ARID1B: variants seen among roughly 807,000 people sequenced by gnomAD.
ARID1B encodes the protein AT-rich interactive domain-containing protein 1B.
A neutral mutation model predicts 212.3 loss-of-function variants in ARID1B; 30 were observed. The ratio of observed to expected loss-of-function variants is 0.14; its 90% CI spans 0.11 to 0.19. The LOEUF is 0.19. Ranked by LOEUF, ARID1B falls within the 10% of genes least tolerant of loss-of-function variation. The pLI is 1.00. For missense variants in ARID1B, 2,891 were observed against 3,204.0 expected, an observed-to-expected ratio of 0.90 and a Z score of 2.36; for synonymous variants, 1,402 against 1,301.7, an observed-to-expected ratio of 1.08 and a Z score of -1.66.
chr6:157,067,292 C>T (rs929407901), intron 4 of ARID1B, among the ~76,000 whole-genome samples: 1 of 152,204 alleles, frequency 6.6e-6, no homozygotes, highest in South Asian at 2.1e-4. Flanking sequence ...CTCCTAACCA[C>T]GAAGCTTTGC....
chr6:157,056,669 GTGTC>G (rs1446722398), intron 4 of ARID1B, among the ~76,000 whole-genome samples: 1 of 152,154 alleles, frequency 6.6e-6, no homozygotes, highest in Admixed American at 6.5e-5. Context: ...AGGCCCTGCT[GTGTC>G]TGGTTAGTTT....
intron 11 of ARID1B, among the ~76,000 whole-genome samples, chr6:157,180,545 A>G (rs1792436169): frequency 6.6e-6 from 1 of 152,204 alleles, no homozygotes; most frequent in African/African-American, 2.4e-5. Flanking sequence ...TGACAAGGAA[A>G]AGTAGGAGTC....
At chr6:157,110,845 A>T in intron 6 of ARID1B, 1 of 472,554 alleles carries the variant, frequency 2.1e-6, no homozygotes. Flanking sequence ...GTAGTCTGGT[A>T]TTTGGTCTAG....
chr6:156,814,890 T>C (rs1781855525), intron 1 of ARID1B, among the ~76,000 whole-genome samples: 3 of 152,184 alleles, frequency 2.0e-5, no homozygotes, highest in African/African-American at 7.2e-5. Flanking sequence ...AACAAATGCT[T>C]TTTAGCCTAA....
intron 4 of ARID1B, chr6:156,936,635 G>C (rs1792246745): frequency 6.9e-6 from 1 of 144,856 alleles, no homozygotes; most frequent in Non-Finnish European, 1.5e-5. Flanking sequence ...ACTCCAGTCT[G>C]GGAAACAGAG....
At chr6:156,958,425 C>CTATATAATTTATA in intron 4 of ARID1B, among the ~76,000 whole-genome samples, 1 of 152,234 alleles carries the variant, frequency 6.6e-6, no homozygotes, top group Admixed American at 6.5e-5. Context: ...GTCTATAAAC[C>CTATATAATTTATA]TAATTCGTTT....
chr6:157,036,652 A>G lies in ARID1B; in HGVS notation c.2248-48010A>G, dbSNP rs1385197892. On this transcript the variant is annotated intron_variant, in intron 4 of 19. Transcript: ENST00000636930. Reference sequence around the variant, plus strand: ...TTATAGAACTGAAACCCAGACGGTGACTGGGATTTCAGCCCAGCTCTTGAA... The same window carrying G: ...TTATAGAACTGAAACCCAGACGGTGGCTGGGATTTCAGCCCAGCTCTTGAA... 8.9e-6 allele frequency: 3 copies of G among 338,520 alleles called. No homozygotes were observed. The East Asian group carries it at 1.9e-4, about 22-fold the overall frequency. The allele number at this position is 338,520 out of a possible 1,614,324, so 21.0% of individuals were successfully genotyped here. A position where few individuals can be genotyped will look rare whatever the true frequency, so the allele number is the denominator to read the frequency against.
rs1023962342 is a variant in ARID1B, at chr6:157,163,319, A to G, written c.3090-3721A>G. On this transcript the variant is annotated intron_variant, in intron 8 of 19. Transcript: ENST00000636930. ...TTGTTGTGAGCCACAGACTCCTCCT[A>G]GGTTAGCAACACCACGCTGAGCAGG... Among the ~76,000 whole-genome samples, 9 of 152,102 alleles carry G rather than the reference A, an allele frequency of 5.9e-5. 1 individual carries two copies. Among genetic ancestry groups the G allele is most frequent in the Admixed American group, 5.9e-4 (9 of 15,274 alleles).
In ARID1B at chr6:156,790,968, A is replaced by G. The variant is rs982124502; in HGVS notation, c.1791+11497A>G. ...ATGCATTAAGTTTCTGTAATTTTCC[A>G]TATTGCTATATTATTAGTGAGAAAG... is the stretch of plus-strand genomic sequence containing the variant. On this transcript the variant is annotated intron_variant, in intron 1 of 19. Transcript: ENST00000636930. Among the ~76,000 whole-genome samples, 4 of 152,372 alleles carry G rather than the reference A, an allele frequency of 2.6e-5. No homozygotes were observed. The South Asian group carries it at 6.2e-4, about 24-fold the overall frequency.
At chr6:156,931,876 C>T (rs964952703) in intron 3 of ARID1B, among the ~76,000 whole-genome samples, 11 of 149,840 alleles carry the variant, frequency 7.3e-5, no homozygotes, top group Non-Finnish European at 1.0e-4. Flanking sequence ...GCAGGAGAAT[C>T]GCTTCAACCC....
chr6:157,086,268 T>C (rs1218541525), intron 5 of ARID1B, among the ~76,000 whole-genome samples: 1 of 152,256 alleles, frequency 6.6e-6, no homozygotes, highest in Non-Finnish European at 1.5e-5. Context: ...ATACGCTCAG[T>C]GCATTTTGAT....
At position 157,200,103 on chromosome 6, in the gene ARID1B, C is replaced by T. The variant is rs1793994594; in HGVS notation, c.4480-602C>T. Among the ~76,000 whole-genome samples the T allele has an allele frequency of 6.6e-6, 1 of 152,196 alleles. No individual in the cohort carries two copies. Among genetic ancestry groups the T allele is most frequent in the Non-Finnish European group, 1.5e-5 (1 of 68,032 alleles). On this transcript the variant is annotated intron_variant, in intron 17 of 19. Transcript: ENST00000636930. The surrounding 1 kb of genome is among the most constrained non-coding windows in gnomAD (Gnocchi z 4.3). ...GTCCCGGAGCATCCTGGGAAGCAAG[C>T]TTAATAACAGGTGTGGTCCCAGCCC... is the stretch of plus-strand genomic sequence containing the variant.
intron 4 of ARID1B, among the ~76,000 whole-genome samples, chr6:157,014,158 A>G (rs1361343672): frequency 6.6e-6 from 1 of 152,216 alleles, no homozygotes; most frequent in Non-Finnish European, 1.5e-5. Context: ...ACTAATGACT[A>G]AGGCTTGGCC....
Position 156,935,512 on chromosome 6 carries a change from C to G in ARID1B, c.2183C>G (p.Ala728Gly), listed in dbSNP as rs376595068. 1 of 1,613,812 alleles carries G rather than the reference C, an allele frequency of 6.2e-7. No individual in the cohort carries two copies. Among genetic ancestry groups the G allele is most frequent in the Admixed American group, 1.7e-5 (1 of 60,006 alleles). The change falls in exon 4 of 20, where the codon GCC (alanine) becomes GGC (glycine). Residue 728 changes from alanine to glycine, a missense_variant. Coordinates refer to ENST00000636930, the MANE Select transcript of ARID1B (RefSeq NM_001374828.1). Reference sequence around the variant, plus strand: ...GGAACTAGATCTCAACCTCCTCTGGCCCCCGGAAAACCTAACCATGAAGAC... The same window carrying G: ...GGAACTAGATCTCAACCTCCTCTGGGCCCCGGAAAACCTAACCATGAAGAC... Reference protein sequence around the residue: ...GYGTRSQPPLAPGKPNHEDLN... With the variant: ...GYGTRSQPPLGPGKPNHEDLN...
intron 1 of ARID1B, among the ~76,000 whole-genome samples, chr6:156,795,626 C>T (rs997272191): frequency 3.3e-5 from 5 of 152,132 alleles, no homozygotes; most frequent in African/African-American, 7.2e-5. Context: ...GCCACACGGT[C>T]ATTTTGGAGC....
At chr6:157,036,852 G>A (rs889839556) in intron 4 of ARID1B, 6 of 501,418 alleles carry the variant, frequency 1.2e-5, no homozygotes, top group Admixed American at 2.3e-5. Flanking sequence ...TCTTGGCCTC[G>A]GAGGATGCAG....
chr6:156,885,052 G>A (rs1041320317), intron 2 of ARID1B, among the ~76,000 whole-genome samples: 1 of 152,066 alleles, frequency 6.6e-6, no homozygotes, highest in Non-Finnish European at 1.5e-5. Flanking sequence ...ATTTATTAAA[G>A]TGAAAATCAT....
intron 4 of ARID1B, among the ~76,000 whole-genome samples, chr6:157,021,813 G>A (rs1048023300): frequency 1.8e-4 from 28 of 152,200 alleles, no homozygotes; most frequent in Admixed American, 1.8e-3. Flanking sequence ...ACACAGCTTC[G>A]CGTACACATG....
chr6:157,114,593 G>T (rs1787197344), intron 6 of ARID1B, among the ~76,000 whole-genome samples: 1 of 143,942 alleles, frequency 6.9e-6, no homozygotes, highest in Non-Finnish European at 1.5e-5. Context: ...AAAAGGTAAT[G>T]ACATTGCTTC....
Sources: allele counts gnomAD v4.1 joint callset (sites outside exome capture counted in the v4.1 genomes callset), GRCh38; gene constraint gnomAD v4.1.1; non-coding constraint Gnocchi (gnomAD v3.1); transcripts MANE v1.5; gene names NCBI Gene and HGNC (gene_info 2026-07-23, HGNC 2026-07-21).